The following JAKMIP1 variants were observed in gnomAD, a reference collection of about 807,000 sequenced individuals.
JAKMIP1 encodes the protein janus kinase and microtubule-interacting protein 1.
In JAKMIP1, 33 loss-of-function variants were observed where a neutral mutation model predicts 113.0. The observed-to-expected ratio is 0.29, with a 90% confidence interval of 0.22 to 0.39. The LOEUF (loss-of-function observed/expected upper bound fraction) is 0.39, where lower values mean the gene tolerates loss of function less well. Among genes scored for constraint, JAKMIP1 ranks in the 10% least tolerant of loss-of-function variants. The pLI, the probability that JAKMIP1 is intolerant of heterozygous loss-of-function variation, is 1.00. For synonymous variants in JAKMIP1, 480 were observed against 459.9 expected, an observed-to-expected ratio of 1.04 and a Z score of -0.56; for missense variants, 813 against 1,080.5, an observed-to-expected ratio of 0.75 and a Z score of 3.47.
chr4:6,145,143 C>A (rs981852950), intron 1 of JAKMIP1, among the ~76,000 whole-genome samples: 2 of 152,142 alleles, frequency 1.3e-5, no homozygotes, highest in East Asian at 3.8e-4. Context: ...GATGCAAGTA[C>A]CTTTTTGCAC....
At chr4:6,098,384 G>C (rs1242906285) in intron 3 of JAKMIP1, among the ~76,000 whole-genome samples, 1 of 151,834 alleles carries the variant, frequency 6.6e-6, no homozygotes, top group Non-Finnish European at 1.5e-5. Flanking sequence ...AGTAAGCCGA[G>C]ATCACAGCAT....
chr4:6,038,064 T>C (rs565618514), intron 18 of JAKMIP1, among the ~76,000 whole-genome samples: 1 of 128,306 alleles, frequency 7.8e-6, no homozygotes, highest in Non-Finnish European at 1.6e-5. Context: ...TATCCCTCCA[T>C]CACCGAGGCA....
chr4:6,062,098 C>T (rs931006895), intron 10 of JAKMIP1, among the ~76,000 whole-genome samples: 6 of 152,366 alleles, frequency 3.9e-5, no homozygotes, highest in South Asian at 2.1e-4. Context: ...GTTGCTTCCT[C>T]TAACAGCTCA....
At chr4:6,130,962 C>A (rs555386199) in intron 1 of JAKMIP1, among the ~76,000 whole-genome samples, 131 of 151,730 alleles carry the variant, frequency 8.6e-4, no homozygotes, top group Admixed American at 2.5e-3. Flanking sequence ...TTGCTTGACC[C>A]CAGGAGTTCA....
At chr4:6,098,733 AGAGAAG>A (rs768765433) in intron 3 of JAKMIP1, among the ~76,000 whole-genome samples, 515 of 7,566 alleles carry the variant, frequency 0.068, 18 homozygotes, top group Middle Eastern at 0.35. Flanking sequence ...AAAGAAAGAA[AGAGAAG>A]GAAGGAAGGA....
chr4:6,104,682 G>A (rs1176132001), intron 3 of JAKMIP1, among the ~76,000 whole-genome samples: 1 of 152,214 alleles, frequency 6.6e-6, no homozygotes, highest in African/African-American at 2.4e-5. Flanking sequence ...ACGCCCTGAG[G>A]GGCAGACTGG....
intron 3 of JAKMIP1, among the ~76,000 whole-genome samples, chr4:6,087,447 T>C (rs1254556790): frequency 6.6e-6 from 1 of 152,204 alleles, no homozygotes; most frequent in African/African-American, 2.4e-5. Context: ...GCCATCAGTG[T>C]TCACTGCCAC....
intron 1 of JAKMIP1, among the ~76,000 whole-genome samples, chr4:6,144,874 G>A (rs1032234140): frequency 6.6e-6 from 1 of 152,172 alleles, no homozygotes; most frequent in East Asian, 1.9e-4. Context: ...TGAGGTTTTA[G>A]TCAGGGCAAC....
chr4:6,029,791 A>G lies in JAKMIP1; in HGVS notation c.2380-10T>C, dbSNP rs776713648. 4.4e-6 allele frequency: 7 copies of G among 1,590,708 alleles called. No homozygotes were observed. Among genetic ancestry groups the G allele is most frequent in the Non-Finnish European group, 1.7e-6 (2 of 1,164,504 alleles). On this transcript the variant is annotated splice_polypyrimidine_tract_variant and intron_variant, in intron 19 of 20. Coordinates refer to ENST00000409021, the MANE Select transcript of JAKMIP1 (RefSeq NM_001099433.2). ...CCAGTTCTCGGATTCTCTGAAATAC[A>G]CCAGGTTACGTGTCAGAAAAAGTAA...
chr4:6,199,837 A>C lies in JAKMIP1; in HGVS notation c.-148+416T>G, dbSNP rs1458589806. Among the ~76,000 whole-genome samples, 2 of 150,782 alleles carry C rather than the reference A, an allele frequency of 1.3e-5. No homozygotes were observed. The highest frequency in any genetic ancestry group is 4.9e-5 in the African/African-American group (2 of 40,900). On this transcript the variant is annotated intron_variant, in intron 1 of 20. Transcript: ENST00000409021. This position sits in a 1 kb window ranked among gnomAD's most constrained non-coding sequence, Gnocchi z 5.6. ...AAGACACGGAGGGGACGGGCCGGCC[A>C]CACCCCCCGCGCCACTCCGGCAGGC...
intron 1 of JAKMIP1, among the ~76,000 whole-genome samples, chr4:6,170,888 TCCACCA>T (rs1014818184): frequency 7.9e-6 from 1 of 126,222 alleles, no homozygotes; most frequent in Non-Finnish European, 1.7e-5. Flanking sequence ...CTCCATCACC[TCCACCA>T]CCACCATCAC....
intron 1 of JAKMIP1, among the ~76,000 whole-genome samples, chr4:6,151,195 A>G (rs11932008): frequency 0.29 from 44,152 of 152,040 alleles, 6,652 homozygotes; most frequent in Non-Finnish European, 0.32. Context: ...AATGGCCACC[A>G]TGTCTATGTT....
At position 6,139,710 on chromosome 4, in the gene JAKMIP1, G is replaced by A. The variant is rs1719823713; in HGVS notation, c.-147-26713C>T. Among the ~76,000 whole-genome samples, 1 of 152,048 alleles carries A rather than the reference G, an allele frequency of 6.6e-6. No individual in the cohort carries two copies. ...GAACCCAGGAGGCGGAGGTTGCAGT[G>A]AGCCAAGACCATGCCACTGTGCTCC... On this transcript the variant is annotated intron_variant, in intron 1 of 20. Transcript: ENST00000409021. This position sits in a 1 kb window ranked among gnomAD's most constrained non-coding sequence, Gnocchi z 5.2.
Position 6,040,696 on chromosome 4 carries a change from C to G in JAKMIP1, c.2118G>C (p.Lys706Asn). ...EKEKDLFSRQ[K>N]GYLEEELDYR... is the part of the protein sequence containing the mutation. ...AGTCGAGCTCCTCTTCCAGGTAGCCCTTCTGCCTGCTGAACAGGTCCTGAG... is the reference window on the plus strand; with the variant it reads ...AGTCGAGCTCCTCTTCCAGGTAGCCGTTCTGCCTGCTGAACAGGTCCTGAG... Residue 706 changes from lysine (K) to asparagine (N), a missense_variant, in exon 18 of 21, where the codon AAG becomes AAC. By Grantham distance (94) the Lys-to-Asn change is moderately conservative. This residue lies in a region of JAKMIP1 where 273 missense variants were observed against 426.6 expected (regional missense o/e 0.64). Transcript: ENST00000409021. The surrounding 1 kb of genome is among the most constrained non-coding windows in gnomAD (Gnocchi z 5.8). 6.2e-7 allele frequency: 1 copy of G among 1,613,452 alleles called. No individual in the cohort carries two copies.
At position 6,029,675 on chromosome 4, in the gene JAKMIP1, T is replaced by C. The variant is rs371517880; in HGVS notation, c.2445+41A>G. 242 of 1,383,238 alleles carry C rather than the reference T, an allele frequency of 1.7e-4. 2 individuals carry two copies. Among genetic ancestry groups the C allele is most frequent in the Non-Finnish European group, 2.1e-4 (204 of 984,320 alleles). 85.7% of individuals were successfully genotyped at this position (1,383,238 alleles called of 1,614,324 possible). A position where few individuals can be genotyped will look rare whatever the true frequency, so the allele number is the denominator to read the frequency against. On this transcript the variant is annotated intron_variant, in intron 20 of 20. Coordinates refer to ENST00000409021, the MANE Select transcript of JAKMIP1 (RefSeq NM_001099433.2). ...AAAATGATTCCGCACTAACATTTCA[T>C]GGAAAGAAACCTGGGGACAGTCTGA... is the stretch of plus-strand genomic sequence containing the variant.
chr4:6,094,365 G>A lies in JAKMIP1; in HGVS notation c.625-8736C>T, dbSNP rs375013867. ...AGCTGCCTGAAGCTTGATGCGAAAG[G>A]GCCACTGAGAAGGCCAGAAATGGGC... On this transcript the variant is annotated intron_variant, in intron 3 of 20. Transcript: ENST00000409021. The surrounding 1 kb of genome is among the most constrained non-coding windows in gnomAD (Gnocchi z 4.2). Among the ~76,000 whole-genome samples the A allele has an allele frequency of 1.3e-5, 2 of 152,130 alleles. No homozygotes were observed. The highest frequency in any genetic ancestry group is 2.9e-5 in the Non-Finnish European group (2 of 68,030).
At position 6,188,675 on chromosome 4, in the gene JAKMIP1, C is replaced by G. The variant is rs1251555946; in HGVS notation, c.-148+11578G>C. On this transcript the variant is annotated intron_variant, in intron 1 of 20. Coordinates refer to ENST00000409021, the MANE Select transcript of JAKMIP1 (RefSeq NM_001099433.2). The surrounding 1 kb of genome is among the most constrained non-coding windows in gnomAD (Gnocchi z 5.8). ...GTTTGGGGCACCTGCATCCCTCCCC[C>G]ATCTTCTGGCTAGAGCACCCCAATT... Among the ~76,000 whole-genome samples, 2 of 152,186 alleles carry G rather than the reference C, an allele frequency of 1.3e-5. No individual in the cohort carries two copies. The highest frequency in any genetic ancestry group is 4.8e-5 in the African/African-American group (2 of 41,458).
At chr4:6,030,241 T>C (rs917575032) in intron 19 of JAKMIP1, among the ~76,000 whole-genome samples, 1 of 145,580 alleles carries the variant, frequency 6.9e-6, no homozygotes, top group Non-Finnish European at 1.5e-5. Flanking sequence ...GCCTGGGGGA[T>C]GGGGGGAGGG....
intron 16 of JAKMIP1, among the ~76,000 whole-genome samples, chr4:6,045,930 C>T (rs572917288): frequency 3.5e-4 from 54 of 152,274 alleles, no homozygotes; most frequent in African/African-American, 1.3e-3. Context: ...ATTCGGATAC[C>T]CGTATGGAAT....
Sources: gnomAD v4.1 joint callset for allele counts (sites outside exome capture counted in the v4.1 genomes callset) on GRCh38, gnomAD v4.1.1 for gene constraint, gnomAD v4.1.1 regional missense constraint, Gnocchi (gnomAD v3.1) non-coding constraint, MANE v1.5 for transcripts, NCBI Gene and HGNC (gene_info 2026-07-23, HGNC 2026-07-21) for gene names.